The following MEF2D variants were observed in gnomAD, a reference collection of about 807,000 sequenced individuals.
MEF2D encodes myocyte-specific enhancer factor 2D.
A neutral mutation model predicts 59.3 loss-of-function variants in MEF2D; 10 were observed. The ratio of observed to expected loss-of-function variants is 0.17; its 90% CI spans 0.10 to 0.29. The LOEUF (loss-of-function observed/expected upper bound fraction) is 0.29, where lower values mean the gene tolerates loss of function less well. Ranked by LOEUF, MEF2D falls within the 10% of genes least tolerant of loss-of-function variation. The probability of loss-of-function intolerance (pLI) is 1.00; values close to 1 mark genes in which losing one functional copy is unlikely to be tolerated. For synonymous variants in MEF2D, 305 were observed against 295.0 expected (o/e 1.03, Z -0.35); for missense variants, 508 against 699.4 (o/e 0.73, Z 3.09).
intron 1 of MEF2D, among the ~76,000 whole-genome samples, chr1:156,493,116 G>A (rs1672911235): frequency 6.6e-6 from 1 of 152,184 alleles, no homozygotes; most frequent in South Asian, 2.1e-4. Flanking sequence ...AGACAGGGCT[G>A]CTCTGGCTGA....
chr1:156,472,053 C>T (rs1458336264), intron 9 of MEF2D, among the ~76,000 whole-genome samples: 2 of 152,216 alleles, frequency 1.3e-5, no homozygotes, highest in African/African-American at 4.8e-5. Flanking sequence ...TAACTTTCCT[C>T]CTGCTTCACA....
At chr1:156,482,380 C>T (rs1410813058) in intron 3 of MEF2D, 57 bp downstream of exon 3, 7 of 1,584,048 alleles carry the variant, frequency 4.4e-6, no homozygotes, top group South Asian at 2.2e-5. Context: ...AACGTGGGCA[C>T]GTGTCCATGT....
At chr1:156,472,733 A>G (rs1671313684) in intron 9 of MEF2D, among the ~76,000 whole-genome samples, 1 of 140,200 alleles carries the variant, frequency 7.1e-6, no homozygotes, top group South Asian at 2.2e-4. Flanking sequence ...TTTTTTTGAG[A>G]TGGAGTCTCA....
chr1:156,468,130 G>T lies in MEF2D; in HGVS notation c.1417C>A (p.Pro473Thr). The change falls in exon 11 of 12, where the codon CCA (proline) becomes ACA (threonine). Residue 473 changes from proline (P) to threonine (T), a missense_variant. By Grantham distance (38) the Pro-to-Thr change is conservative. Coordinates refer to ENST00000348159, the MANE Select transcript of MEF2D (RefSeq NM_005920.4). The surrounding 1 kb of genome is among the most constrained non-coding windows in gnomAD (Gnocchi z 4.3). Reference sequence around the variant, plus strand: ...CCCGTCTCATAGGATCCCCCGGCTGGGCTGCTGAGACCATCGCCAGGCTCA... The same window carrying T: ...CCCGTCTCATAGGATCCCCCGGCTGTGCTGCTGAGACCATCGCCAGGCTCA... ...RPEPGDGLSSPAGGSYETGDR... is the reference protein window; with the variant it reads ...RPEPGDGLSSTAGGSYETGDR... 2 of 1,614,006 alleles carry T rather than the reference G, an allele frequency of 1.2e-6. No individual in the cohort carries two copies. Among genetic ancestry groups the T allele is most frequent in the Non-Finnish European group, 1.7e-6 (2 of 1,179,930 alleles).
Position 156,483,404 on chromosome 1 carries a change from T to A in MEF2D, c.-112A>T, listed in dbSNP as rs1033696530. ...TCTGGGAACAGTGCTCAGTTCATGGTCTGCAGGATACCTTCTGCACAGCCT... is the reference window on the plus strand; with the variant it reads ...TCTGGGAACAGTGCTCAGTTCATGGACTGCAGGATACCTTCTGCACAGCCT... On this transcript the variant is annotated 5_prime_UTR_variant, in exon 2 of 12. Coordinates refer to ENST00000348159, the MANE Select transcript of MEF2D (RefSeq NM_005920.4). The A allele has an allele frequency of 1.2e-5, 12 of 1,030,790 alleles. No individual in the cohort carries two copies. In the Admixed American group the frequency reaches 1.8e-4, roughly 15 times the overall value. 63.9% of individuals were successfully genotyped at this position (1,030,790 alleles called of 1,614,324 possible).
In MEF2D at chr1:156,467,975, G is replaced by C; in HGVS notation, c.1554+18C>G. 1 of 1,600,016 alleles carries C rather than the reference G, an allele frequency of 6.2e-7. No homozygotes were observed. The highest frequency in any genetic ancestry group is 8.5e-7 in the Non-Finnish European group (1 of 1,173,496). On this transcript the variant is annotated intron_variant, in intron 11 of 11. Coordinates refer to ENST00000348159, the MANE Select transcript of MEF2D (RefSeq NM_005920.4). The stretch of plus-strand genomic sequence containing the variant: ...GTGTAGCAGACACTGGCAGACAGGA[G>C]AGGTGATGCTACAGTACCCAGGTAT...
chr1:156,477,318 C>G (rs1461120606), intron 6 of MEF2D, 116 bp from the exon 7 acceptor site: 2 of 867,008 alleles, frequency 2.3e-6, no homozygotes, highest in Non-Finnish European at 3.5e-6. Flanking sequence ...CATGCTTAGG[C>G]TTTGAGTGGG....
At chr1:156,470,017 G>C (rs1417717420) in intron 9 of MEF2D, among the ~76,000 whole-genome samples, 1 of 152,260 alleles carries the variant, frequency 6.6e-6, no homozygotes, top group Non-Finnish European at 1.5e-5. Flanking sequence ...ACCATGCCGG[G>C]AGCACAGCTG....
intron 1 of MEF2D, among the ~76,000 whole-genome samples, chr1:156,498,561 C>T (rs780324000): frequency 1.4e-4 from 21 of 152,026 alleles, no homozygotes; most frequent in Non-Finnish European, 2.1e-4. Flanking sequence ...TTTTGGGTCC[C>T]TACAGGGGTG....
chr1:156,468,690 C>T lies in MEF2D; in HGVS notation c.1247+90G>A. The T allele has an allele frequency of 6.5e-7, 1 of 1,548,072 alleles. No individual in the cohort carries two copies. The highest frequency in any genetic ancestry group is 8.7e-7 in the Non-Finnish European group (1 of 1,142,956). On this transcript the variant is annotated intron_variant, in intron 10 of 11. Coordinates refer to ENST00000348159, the MANE Select transcript of MEF2D (RefSeq NM_005920.4). The surrounding 1 kb of genome is among the most constrained non-coding windows in gnomAD (Gnocchi z 4.3). ...GCCTCATAGGATGTCCACTAGAACCCTGCAGGGAACCCAGCTCCCAAGAGG... is the reference window on the plus strand; with the variant it reads ...GCCTCATAGGATGTCCACTAGAACCTTGCAGGGAACCCAGCTCCCAAGAGG...
chr1:156,465,681 T>C lies in MEF2D; in HGVS notation c.*1964A>G, dbSNP rs187653349. 1.0e-2 allele frequency: 1,505 copies of C among 150,870 alleles called. 49 individuals are homozygous for C. The highest frequency in any genetic ancestry group is 0.07 in the East Asian group (358 of 5,110). The allele number at this position is 150,870 out of a possible 1,614,324, so 9.3% of individuals were successfully genotyped here. ...AAAAGTACACCCGTGCAATCAGACA[T>C]ACACACACACACACACATAAATACA... On this transcript the variant is annotated 3_prime_UTR_variant, in exon 12 of 12. Transcript: ENST00000348159.
At chr1:156,473,547 T>C (rs977517975) in intron 9 of MEF2D, among the ~76,000 whole-genome samples, 1 of 152,206 alleles carries the variant, frequency 6.6e-6, no homozygotes, top group African/African-American at 2.4e-5. Flanking sequence ...ACATGAATGC[T>C]CTGAAACAAG....
intron 11 of MEF2D, 75 bp downstream of exon 11, chr1:156,467,918 A>T (rs1571211347): frequency 3.3e-6 from 5 of 1,511,400 alleles, no homozygotes; most frequent in Non-Finnish European, 3.6e-6. Flanking sequence ...GGGAAATAAA[A>T]CAGGTTAGGG....
rs547279415 is a variant in MEF2D, at chr1:156,486,006, C to T, written c.-138-2576G>A. Reference sequence around the variant, plus strand: ...CTGGGATTACAGGTGTCTGCCACCACACCTGGCTAACTTTTGTATTTTCAG... The same window carrying T: ...CTGGGATTACAGGTGTCTGCCACCATACCTGGCTAACTTTTGTATTTTCAG... On this transcript the variant is annotated intron_variant, in intron 1 of 11. Coordinates refer to ENST00000348159, the MANE Select transcript of MEF2D (RefSeq NM_005920.4). Among the ~76,000 whole-genome samples the T allele has an allele frequency of 5.3e-5, 8 of 152,168 alleles. No homozygotes were observed. The East Asian group carries it at 7.7e-4, about 15-fold the overall frequency.
intron 9 of MEF2D, among the ~76,000 whole-genome samples, chr1:156,473,651 G>A (rs975088897): frequency 3.3e-5 from 5 of 152,178 alleles, no homozygotes; most frequent in Non-Finnish European, 7.3e-5. Context: ...CTGTTCCTGC[G>A]CAGGTGTGAG....
chr1:156,473,382 C>T (rs963747636), intron 9 of MEF2D, among the ~76,000 whole-genome samples: 55 of 152,230 alleles, frequency 3.6e-4, no homozygotes, highest in African/African-American at 1.3e-3. Context: ...GTGGCTGGTT[C>T]AACTCTGGGA....
In MEF2D at chr1:156,479,631, T is replaced by C; in HGVS notation, c.562A>G (p.Arg188Gly). Residue 188 changes from arginine (R) to glycine (G), a missense_variant, in exon 5 of 12, where the codon AGG becomes GGG. Arg to Gly is a moderately radical substitution (Grantham distance 125, BLOSUM62 -2). Around this residue, in one of 2 missense-constraint regions of MEF2D, gnomAD observed 481 missense variants for 584.7 expected, o/e 0.82. Coordinates refer to ENST00000348159, the MANE Select transcript of MEF2D (RefSeq NM_005920.4). The stretch of plus-strand genomic sequence containing the variant: ...GGCAGGCCAGGAGACACACTGTTCC[T>C]CTGTAGTGCTGGCTGCTGGGGGGAC... ...LLSPQQPALQ[R>G]NSVSPGLPQR... is the part of the protein sequence containing the mutation. 6.4e-7 allele frequency: 1 copy of C among 1,553,000 alleles called. No individual in the cohort carries two copies.
chr1:156,483,513 C>T (rs949460074), intron 1 of MEF2D, 83 bp from the exon 2 acceptor site: 21 of 566,046 alleles, frequency 3.7e-5, no homozygotes, highest in African/African-American at 2.1e-4. Context: ...AGACTCACAG[C>T]GCCCCTGTGA....
At chr1:156,483,565 T>C (rs148661963) in intron 1 of MEF2D, 135 bp from the exon 2 acceptor site, 345 of 557,380 alleles carry the variant, frequency 6.2e-4, no homozygotes, top group African/African-American at 5.7e-3. Context: ...CATGAGGCAA[T>C]GCTGTCTGCC....
Sources: gnomAD v4.1 joint callset for allele counts (sites outside exome capture counted in the v4.1 genomes callset) on GRCh38, gnomAD v4.1.1 for gene constraint, gnomAD v4.1.1 regional missense constraint, Gnocchi (gnomAD v3.1) non-coding constraint, MANE v1.5 for transcripts, NCBI Gene and HGNC (gene_info 2026-07-23, HGNC 2026-07-21) for gene names.